RBMS3: variants seen among roughly 807,000 people sequenced by gnomAD.
RBMS3 encodes RNA binding motif single stranded interacting protein 3.
Under a neutral mutation model 66.8 loss-of-function variants are expected in RBMS3, and 27 were observed. The observed-to-expected ratio is 0.40, with a 90% CI of 0.30 to 0.56. The LOEUF (loss-of-function observed/expected upper bound fraction) is 0.56. Ranked by LOEUF, RBMS3 falls within the 20% of genes least tolerant of loss-of-function variation. The pLI is 0.40. For missense variants in RBMS3, 513 were observed against 549.5 expected (o/e 0.93, Z 0.66); for synonymous variants, 188 against 183.0 (o/e 1.03, Z -0.22).
intron 3 of RBMS3, among the ~76,000 whole-genome samples, chr3:29,568,177 G>C (rs1293873458): frequency 6.6e-6 from 1 of 152,122 alleles, no homozygotes; most frequent in Non-Finnish European, 1.5e-5. Flanking sequence ...TTAAAGAGAT[G>C]AATTAATGTA....
intron 4 of RBMS3, among the ~76,000 whole-genome samples, chr3:29,633,540 C>T (rs1488946074): frequency 6.6e-6 from 1 of 151,776 alleles, no homozygotes; most frequent in Non-Finnish European, 1.5e-5. Flanking sequence ...CTATTTATCC[C>T]CAATGTACAT....
intron 1 of RBMS3, among the ~76,000 whole-genome samples, chr3:29,380,503 A>G (rs538729199): frequency 6.6e-6 from 1 of 152,214 alleles, no homozygotes; most frequent in Non-Finnish European, 1.5e-5. Context: ...AATTGTGGTA[A>G]GTTGCATTGC....
At chr3:29,833,929 A>G (rs1254347367) in intron 6 of RBMS3, among the ~76,000 whole-genome samples, 6 of 152,214 alleles carry the variant, frequency 3.9e-5, no homozygotes, top group Admixed American at 3.9e-4. Flanking sequence ...TGAAAGCGCC[A>G]AGAAAAAAAA....
At chr3:29,912,997 G>T (rs572267212) in intron 10 of RBMS3, among the ~76,000 whole-genome samples, 1 of 151,982 alleles carries the variant, frequency 6.6e-6, no homozygotes, top group East Asian at 1.9e-4. Flanking sequence ...GTAGTTCTGT[G>T]CTGTTGAGTG....
At chr3:29,837,634 A>G (rs1327111869) in intron 6 of RBMS3, among the ~76,000 whole-genome samples, 2 of 139,860 alleles carry the variant, frequency 1.4e-5, no homozygotes, top group African/African-American at 5.6e-5. Context: ...ATTAGCAGAT[A>G]TATATAATGA....
chr3:29,588,824 C>T (rs1336611728), intron 4 of RBMS3, among the ~76,000 whole-genome samples: 2 of 151,938 alleles, frequency 1.3e-5, no homozygotes, highest in Non-Finnish European at 2.9e-5. Flanking sequence ...CCTATACCCA[C>T]AAAACAAATG....
At chr3:29,536,583 C>T (rs540042313) in intron 3 of RBMS3, among the ~76,000 whole-genome samples, 4 of 152,284 alleles carry the variant, frequency 2.6e-5, no homozygotes, top group African/African-American at 9.6e-5. Flanking sequence ...AGGGGTTAGG[C>T]AAACTTGGAG....
At chr3:29,886,897 A>G (rs925536405) in intron 8 of RBMS3, among the ~76,000 whole-genome samples, 5 of 151,816 alleles carry the variant, frequency 3.3e-5, no homozygotes, top group African/African-American at 1.2e-4. Context: ...AACCTGAAGA[A>G]ACTTTTCAAT....
chr3:29,942,520 C>T (rs75939065), intron 11 of RBMS3, among the ~76,000 whole-genome samples: 3 of 150,712 alleles, frequency 2.0e-5, no homozygotes, highest in South Asian at 2.1e-4. Flanking sequence ...GAAACCCTGT[C>T]GAAAGAGAAA....
intron 3 of RBMS3, among the ~76,000 whole-genome samples, chr3:29,580,451 G>A (rs2149082720): frequency 6.6e-6 from 1 of 152,182 alleles, no homozygotes; most frequent in Middle Eastern, 3.4e-3. Flanking sequence ...GTTGACCAGA[G>A]CTGTACACCC....
chr3:29,992,704 G>T (rs1387296158), intron 14 of RBMS3, among the ~76,000 whole-genome samples: 1 of 152,126 alleles, frequency 6.6e-6, no homozygotes, highest in African/African-American at 2.4e-5. Flanking sequence ...TAGCCAACAA[G>T]CCGAGTGAGG....
intron 1 of RBMS3, among the ~76,000 whole-genome samples, chr3:29,300,250 A>G (rs2033580925): frequency 6.6e-6 from 1 of 151,972 alleles, no homozygotes; most frequent in South Asian, 2.1e-4. Context: ...TTGGATCTTT[A>G]TTTGAGAGAT....
chr3:29,668,872 A>G (rs1460690316), intron 4 of RBMS3, among the ~76,000 whole-genome samples: 4 of 152,230 alleles, frequency 2.6e-5, no homozygotes, highest in African/African-American at 4.8e-5. Flanking sequence ...TGTAAAATAG[A>G]TAAAGGCAAA....
intron 3 of RBMS3, among the ~76,000 whole-genome samples, chr3:29,584,513 T>G (rs1383493565): frequency 2.0e-5 from 3 of 152,140 alleles, no homozygotes; most frequent in Non-Finnish European, 2.9e-5. Flanking sequence ...ACATTTCTAT[T>G]TAGATGTCTC....
At chr3:29,784,265 G>C (rs1207706859) in intron 6 of RBMS3, among the ~76,000 whole-genome samples, 1 of 151,974 alleles carries the variant, frequency 6.6e-6, no homozygotes, top group Non-Finnish European at 1.5e-5. Flanking sequence ...TCAGCACATG[G>C]AGCATTCTCC....
intron 7 of RBMS3, among the ~76,000 whole-genome samples, chr3:29,871,552 G>A (rs2059491973): frequency 6.6e-6 from 1 of 152,018 alleles, no homozygotes; most frequent in Admixed American, 6.6e-5. Context: ...GTTTGTTTTT[G>A]CTTGTTTGTT....
chr3:29,681,574 A>G (rs536466327), intron 4 of RBMS3, among the ~76,000 whole-genome samples: 12 of 145,130 alleles, frequency 8.3e-5, no homozygotes, highest in Non-Finnish European at 1.5e-4. Flanking sequence ...TCAATCATTC[A>G]GCTCCCACTT....
chr3:29,522,811 A>G (rs1469810934), intron 3 of RBMS3, among the ~76,000 whole-genome samples: 1 of 152,182 alleles, frequency 6.6e-6, no homozygotes, highest in Non-Finnish European at 1.5e-5. Context: ...GATACAGAGC[A>G]TGAGACTGGT....
At chr3:29,844,069 T>A (rs2058724020) in intron 6 of RBMS3, among the ~76,000 whole-genome samples, 1 of 152,224 alleles carries the variant, frequency 6.6e-6, no homozygotes, top group Admixed American at 6.5e-5. Flanking sequence ...TGGTTCATAT[T>A]AAAATATGTA....
Sources: gnomAD v4.1 joint callset for allele counts (sites outside exome capture counted in the v4.1 genomes callset) on GRCh38, gnomAD v4.1.1 for gene constraint, MANE v1.5 for transcripts, NCBI Gene and HGNC (gene_info 2026-07-23, HGNC 2026-07-21) for gene names.